The following KLHL12 variants were observed in gnomAD, a reference collection of about 807,000 sequenced individuals.
KLHL12 encodes kelch like family member 12.
In KLHL12, 17 loss-of-function variants were observed where a neutral mutation model predicts 60.8. That is an observed-to-expected ratio of 0.28 (90% CI 0.19 to 0.42). The LOEUF (loss-of-function observed/expected upper bound fraction) is 0.42, where lower values mean the gene tolerates loss of function less well. KLHL12 is among the 10% of genes least tolerant of loss of function. The pLI, the probability that KLHL12 is intolerant of heterozygous loss-of-function variation, is 1.00. For synonymous variants in KLHL12, 220 were observed against 250.9 expected (o/e 0.88, Z 1.16); for missense variants, 468 against 722.3 (o/e 0.65, Z 4.04).
chr1:202,898,693 G>C (rs1273645722), intron 6 of KLHL12, among the ~76,000 whole-genome samples: 2 of 152,082 alleles, frequency 1.3e-5, no homozygotes, highest in Non-Finnish European at 2.9e-5. Flanking sequence ...AGGTCGAACA[G>C]CTTGGCTTCT....
Position 202,892,483 on chromosome 1 carries a change from T to C in KLHL12, c.*50A>G, listed in dbSNP as rs748500586. On this transcript the variant is annotated 3_prime_UTR_variant, in exon 12 of 12. Transcript: ENST00000367261. ...TGGAAAGGATTTTTGATTCTCCCAC[T>C]AACTGTCCACTGGACTGGTCACTAG... is the stretch of plus-strand genomic sequence containing the variant. The C allele has an allele frequency of 1.3e-6, 2 of 1,596,364 alleles. No individual in the cohort carries two copies. The highest frequency in any genetic ancestry group is 2.2e-5 in the South Asian group (2 of 90,186).
At chr1:202,911,250 C>T in intron 4 of KLHL12, 47 bp from the exon 5 acceptor site, 1 of 1,597,442 alleles carries the variant, frequency 6.3e-7, no homozygotes, top group Non-Finnish European at 8.6e-7. Flanking sequence ...TTCCAATTAG[C>T]TCACCATCTC....
At chr1:202,903,315 C>CA (rs1660071939) in intron 6 of KLHL12, among the ~76,000 whole-genome samples, 1 of 149,494 alleles carries the variant, frequency 6.7e-6, no homozygotes, top group South Asian at 2.2e-4. Flanking sequence ...CTCTGGTAGG[C>CA]AAAAAATTAT....
intron 6 of KLHL12, among the ~76,000 whole-genome samples, chr1:202,905,968 C>CTTT (rs71142574): frequency 0.011 from 552 of 51,654 alleles, 30 homozygotes; most frequent in African/African-American, 0.033. Flanking sequence ...CCACACCTGG[C>CTTT]TTTTTTTTTT....
intron 4 of KLHL12, among the ~76,000 whole-genome samples, chr1:202,912,909 T>C (rs1270662782): frequency 6.6e-6 from 1 of 152,102 alleles, no homozygotes; most frequent in Non-Finnish European, 1.5e-5. Flanking sequence ...ACTGTATTTG[T>C]GACTAATTGT....
In KLHL12 at chr1:202,909,754, G is replaced by A. The variant is rs1338270789; in HGVS notation, c.718-630C>T. Among the ~76,000 whole-genome samples the A allele has an allele frequency of 6.6e-6, 1 of 152,008 alleles. No homozygotes were observed. The highest frequency in any genetic ancestry group is 2.1e-4 in the South Asian group (1 of 4,822). On this transcript the variant is annotated intron_variant, in intron 5 of 11. Coordinates refer to ENST00000367261, the MANE Select transcript of KLHL12 (RefSeq NM_021633.4). The surrounding 1 kb of genome is among the most constrained non-coding windows in gnomAD (Gnocchi z 4.1). ...GGGATCAGCCCAACCAAAGGTCAAG[G>A]TTTCTCTCAAGGCAGTGACTCTACA... is the stretch of plus-strand genomic sequence containing the variant.
chr1:202,903,472 T>C (rs912966395), intron 6 of KLHL12, among the ~76,000 whole-genome samples: 1 of 135,764 alleles, frequency 7.4e-6, no homozygotes, highest in Non-Finnish European at 1.6e-5. Flanking sequence ...TTTTTTTTTC[T>C]TTTTTGAGAC....
At chr1:202,903,872 C>T (rs1660099720) in intron 6 of KLHL12, among the ~76,000 whole-genome samples, 1 of 151,866 alleles carries the variant, frequency 6.6e-6, no homozygotes, top group South Asian at 2.1e-4. Flanking sequence ...CCTGCCTCAG[C>T]CTCTCAAAGT....
At position 202,901,145 on chromosome 1, in the gene KLHL12, T is replaced by C. The variant is rs553897387; in HGVS notation, c.833-4185A>G. 3.3e-5 allele frequency among the ~76,000 whole-genome samples: 5 copies of C among 152,312 alleles called. No homozygotes were observed. The South Asian group carries it at 6.2e-4, about 19-fold the overall frequency. On this transcript the variant is annotated intron_variant, in intron 6 of 11. Coordinates refer to ENST00000367261, the MANE Select transcript of KLHL12 (RefSeq NM_021633.4). The stretch of plus-strand genomic sequence containing the variant: ...AGAAGTAGAAAGGAAATAGATTATA[T>C]TAAAAACACAGATAACTGACAGTAC...
chr1:202,906,189 A>G (rs935890631), intron 6 of KLHL12, among the ~76,000 whole-genome samples: 3 of 147,838 alleles, frequency 2.0e-5, no homozygotes, highest in African/African-American at 7.4e-5. Flanking sequence ...GCGGTGGCTC[A>G]TGCCCGTAAT....
Position 202,892,593 on chromosome 1 carries a change from G to T in KLHL12, c.1647C>A (p.Val549=), listed in dbSNP as rs773437329. 8 of 1,614,086 alleles carry T rather than the reference G, an allele frequency of 5.0e-6. No homozygotes were observed. The highest frequency in any genetic ancestry group is 6.8e-6 in the Non-Finnish European group (8 of 1,179,998). ...CYDPIIDSWE[V]VTSMGTQRCD... ...AGCGCTGGGTTCCCATGGATGTCAC[G>T]ACTTCCCAGCTGTCGATGATAGGGT... Residue 549 remains valine, a synonymous_variant, in exon 12 of 12, where the codon GTC becomes GTA. Transcript: ENST00000367261.
intron 5 of KLHL12, 114 bp downstream of exon 5, chr1:202,910,940 A>T: frequency 8.2e-7 from 1 of 1,213,594 alleles, no homozygotes; most frequent in Non-Finnish European, 1.2e-6. Context: ...TGGCATTCCT[A>T]GAGAGGCAAA....
rs988848838 is a variant in KLHL12 at position 202,927,125 on chromosome 1, T to C, written c.-82A>G. The C allele has an allele frequency of 5.1e-6, 5 of 984,598 alleles. No individual in the cohort carries two copies. Among genetic ancestry groups the C allele is most frequent in the Non-Finnish European group, 6.0e-6 (5 of 829,472 alleles). The allele number at this position is 984,598 out of a possible 1,614,324, so 61.0% of individuals were successfully genotyped here. On this transcript the variant is annotated 5_prime_UTR_variant, in exon 1 of 12. Coordinates refer to ENST00000367261, the MANE Select transcript of KLHL12 (RefSeq NM_021633.4). ...AACCCACACAGCCGCACCGGGCCCG[T>C]CCCCAGCCTGTGGGGATGGAGTGCG...
intron 6 of KLHL12, among the ~76,000 whole-genome samples, chr1:202,899,822 C>CAAA (rs10612618): frequency 1.4e-5 from 2 of 143,028 alleles, no homozygotes; most frequent in Non-Finnish European, 3.0e-5. Context: ...GACTCCATCT[C>CAAA]AAAAAAAAAA....
rs191757819 is a variant in KLHL12 at position 202,911,981 on chromosome 1, G to A, written c.568-778C>T. 19 of 804,010 alleles carry A rather than the reference G, an allele frequency of 2.4e-5. No homozygotes were observed. The Admixed American group carries it at 2.6e-4, about 11-fold the overall frequency. The allele number at this position is 804,010 out of a possible 1,614,324, so 49.8% of individuals were successfully genotyped here. On this transcript the variant is annotated intron_variant, in intron 4 of 11. Coordinates refer to ENST00000367261, the MANE Select transcript of KLHL12 (RefSeq NM_021633.4). Reference sequence around the variant, plus strand: ...GACCCAAACACCAAGTGCTCCAGGGGCTTTGGGTTTGTCACATATGCCATT... The same window carrying A: ...GACCCAAACACCAAGTGCTCCAGGGACTTTGGGTTTGTCACATATGCCATT...
chr1:202,900,017 T>C (rs949018613), intron 6 of KLHL12, among the ~76,000 whole-genome samples: 3 of 152,100 alleles, frequency 2.0e-5, no homozygotes, highest in Non-Finnish European at 4.4e-5. Context: ...TCCACCTCTT[T>C]TCTTCCTGAC....
At position 202,892,187 on chromosome 1, in the gene KLHL12, A is replaced by G; in HGVS notation, c.*346T>C. On this transcript the variant is annotated 3_prime_UTR_variant, in exon 12 of 12. Transcript: ENST00000367261. ...ATATCTAGTAGGCTATACTCACCTT[A>G]GTTCTTTGCAACATATGAGGCACAA... 2 of 189,664 alleles carry G rather than the reference A, an allele frequency of 1.1e-5. No homozygotes were observed. Among genetic ancestry groups the G allele is most frequent in the Non-Finnish European group, 2.2e-5 (2 of 91,912 alleles). 11.7% of individuals were successfully genotyped at this position (189,664 alleles called of 1,614,324 possible). A position where few individuals can be genotyped will look rare whatever the true frequency, so the allele number is the denominator to read the frequency against.
In KLHL12 at chr1:202,893,092, TA is replaced by T. The variant is rs149277577; in HGVS notation, c.1580+146del. On this transcript the variant is annotated intron_variant, in intron 11 of 11. Transcript: ENST00000367261. This position sits in a 1 kb window ranked among gnomAD's most constrained non-coding sequence, Gnocchi z 4.1. Reference sequence around the variant, plus strand: ...AGAGCAATACTCTGTCTCTAAAAAATAAAAAAAATCTAATAAAAAAAATCAA... The same window carrying T: ...AGAGCAATACTCTGTCTCTAAAAAATAAAAAAATCTAATAAAAAAAATCAA... The T allele has an allele frequency of 5.1e-4, 307 of 602,704 alleles. 6 individuals carry two copies. Among genetic ancestry groups the T allele is most frequent in the Middle Eastern group, 3.7e-3 (8 of 2,172 alleles). The allele number at this position is 602,704 out of a possible 1,614,324, so 37.3% of individuals were successfully genotyped here. A position where few individuals can be genotyped will look rare whatever the true frequency, so the allele number is the denominator to read the frequency against.
chr1:202,913,198 T>C (rs971729489), intron 4 of KLHL12, among the ~76,000 whole-genome samples: 2 of 152,076 alleles, frequency 1.3e-5, no homozygotes, highest in Non-Finnish European at 2.9e-5. Context: ...TATGACCAAT[T>C]AGATAATGTG....
Sources: allele counts gnomAD v4.1 joint callset (sites outside exome capture counted in the v4.1 genomes callset), GRCh38; gene constraint gnomAD v4.1.1; non-coding constraint Gnocchi (gnomAD v3.1); transcripts MANE v1.5; gene names NCBI Gene and HGNC (gene_info 2026-07-23, HGNC 2026-07-21).